Variants in ALDH5A1 observed in about 807,000 individuals in gnomAD.
ALDH5A1 encodes aldehyde dehydrogenase 5 family member A1.
A neutral mutation model predicts 54.7 loss-of-function variants in ALDH5A1; 33 were observed. The observed-to-expected ratio is 0.60, with a 90% CI of 0.46 to 0.81. The LOEUF (loss-of-function observed/expected upper bound fraction) is 0.81. Ranked by LOEUF, ALDH5A1 falls within the 30% of genes least tolerant of loss-of-function variation. The pLI, the probability that ALDH5A1 is intolerant of heterozygous loss-of-function variation, is 0.00. For missense variants in ALDH5A1, 657 were observed against 711.0 expected, an observed-to-expected ratio of 0.92 and a Z score of 0.86; for synonymous variants, 294 against 292.7, an observed-to-expected ratio of 1.00 and a Z score of -0.05.
chr6:24,529,474 C>T (rs774822953), intron 8 of ALDH5A1, among the ~76,000 whole-genome samples: 5 of 151,736 alleles, frequency 3.3e-5, no homozygotes, highest in Non-Finnish European at 7.4e-5. Context: ...GCCTCTTTAT[C>T]TACTTTTATC....
chr6:24,507,331 T>A (rs1291348060), intron 4 of ALDH5A1, among the ~76,000 whole-genome samples: 2 of 143,334 alleles, frequency 1.4e-5, no homozygotes, highest in African/African-American at 5.2e-5. Flanking sequence ...TTTTTTTTTT[T>A]ACTTGATTAT....
intron 1 of ALDH5A1, among the ~76,000 whole-genome samples, chr6:24,500,814 C>T (rs1036010078): frequency 6.6e-6 from 1 of 152,006 alleles, no homozygotes; most frequent in African/African-American, 2.4e-5. Context: ...TTAGATGCAA[C>T]TTGAAATTGG....
intron 5 of ALDH5A1, among the ~76,000 whole-genome samples, chr6:24,517,240 A>C (rs1224823207): frequency 1.3e-5 from 2 of 152,178 alleles, no homozygotes; most frequent in African/African-American, 4.8e-5. Flanking sequence ...TCCTGGCCTC[A>C]AGTGATCCTC....
intron 6 of ALDH5A1, among the ~76,000 whole-genome samples, chr6:24,522,201 T>C (rs971916631): frequency 2.0e-5 from 3 of 152,094 alleles, no homozygotes; most frequent in African/African-American, 7.2e-5. Flanking sequence ...TCCCACCTAC[T>C]TGGGAGGCTG....
At chr6:24,499,040 G>A (rs866338168) in intron 1 of ALDH5A1, among the ~76,000 whole-genome samples, 12 of 150,286 alleles carry the variant, frequency 8.0e-5, no homozygotes, top group African/African-American at 2.9e-4. Context: ...GGCGGAGGTT[G>A]CAGTGAGCCG....
chr6:24,501,034 C>T (rs897969894), intron 1 of ALDH5A1, among the ~76,000 whole-genome samples: 2 of 152,170 alleles, frequency 1.3e-5, no homozygotes, highest in Admixed American at 6.5e-5. Flanking sequence ...ACCTTAAGCA[C>T]TAAGGCAGAG....
rs370970646 is a variant in ALDH5A1, at chr6:24,497,447, A to G, written c.354+2097A>G. On this transcript the variant is annotated intron_variant, in intron 1 of 9. Coordinates refer to ENST00000357578, the MANE Select transcript of ALDH5A1 (RefSeq NM_001080.3). ...AGAGCACTGATTGGTGCATTTTACA[A>G]TCTCCTTGGTAGCTCCAGATCGCTG... Among the ~76,000 whole-genome samples the G allele has an allele frequency of 4.1e-5, 6 of 147,730 alleles. No homozygotes were observed. The South Asian group carries it at 1.3e-3, about 33-fold the overall frequency.
intron 6 of ALDH5A1, among the ~76,000 whole-genome samples, chr6:24,520,829 T>C (rs965536383): frequency 2.6e-5 from 4 of 152,206 alleles, no homozygotes; most frequent in Admixed American, 2.6e-4. Flanking sequence ...CAAAATAAGG[T>C]ACAGTCCCTG....
chr6:24,499,740 CA>C (rs10718354), intron 1 of ALDH5A1, among the ~76,000 whole-genome samples: 134,604 of 150,476 alleles, frequency 0.89, 60,889 homozygotes, highest in African/African-American at 0.96. Context: ...AGTCTCGGCT[CA>C]ACTGCAACCT....
chr6:24,522,678 TCA>T, intron 6 of ALDH5A1, 87 bp from the exon 7 acceptor site: 2 of 1,507,380 alleles, frequency 1.3e-6, no homozygotes, highest in South Asian at 1.1e-5. Flanking sequence ...GGAAGTGTTT[TCA>T]CAGAGAGGCG....
rs185051362 is a variant in ALDH5A1 at position 24,534,673 on chromosome 6, G to A, written c.*961G>A. 8.5e-5 allele frequency: 13 copies of A among 152,432 alleles called. No individual in the cohort carries two copies. The highest frequency in any genetic ancestry group is 5.9e-4 in the Admixed American group (9 of 15,300). 9.4% of individuals were successfully genotyped at this position (152,432 alleles called of 1,614,324 possible). On this transcript the variant is annotated 3_prime_UTR_variant, in exon 10 of 10. Coordinates refer to ENST00000357578, the MANE Select transcript of ALDH5A1 (RefSeq NM_001080.3). ...AAGGACATACAAGAGCCATTGTTAC[G>A]AGCAGCACCGCCCAGCCCTTCCTTG...
At chr6:24,523,652 G>A (rs1335104778) in intron 7 of ALDH5A1, among the ~76,000 whole-genome samples, 3 of 152,204 alleles carry the variant, frequency 2.0e-5, no homozygotes, top group African/African-American at 7.2e-5. Flanking sequence ...GAACACCTAT[G>A]GAATGGAAGA....
At chr6:24,516,799 T>A (rs1313632543) in intron 5 of ALDH5A1, among the ~76,000 whole-genome samples, 3 of 151,954 alleles carry the variant, frequency 2.0e-5, no homozygotes, top group African/African-American at 7.3e-5. Context: ...GGCACACACA[T>A]GTAGTCCCAG....
chr6:24,516,096 A>G (rs1170643106), intron 5 of ALDH5A1, among the ~76,000 whole-genome samples: 2 of 152,132 alleles, frequency 1.3e-5, no homozygotes, highest in African/African-American at 4.8e-5. Flanking sequence ...CTTTGCTAAA[A>G]ACTTAATGTG....
At chr6:24,495,567 C>A (rs913856683) in intron 1 of ALDH5A1, among the ~76,000 whole-genome samples, 2 of 152,188 alleles carry the variant, frequency 1.3e-5, no homozygotes, top group Non-Finnish European at 2.9e-5. Context: ...GACCCCTGCC[C>A]TCAAGCCTCA....
intron 1 of ALDH5A1, 84 bp from the exon 2 acceptor site, chr6:24,502,439 T>C: frequency 9.6e-7 from 1 of 1,046,176 alleles, no homozygotes; most frequent in Admixed American, 1.8e-5. Flanking sequence ...ATACAGCTAA[T>C]ATTTTAGGAT....
In ALDH5A1 at chr6:24,495,248, C is replaced by T; in HGVS notation, c.252C>T (p.Gly84=). The T allele has an allele frequency of 6.5e-7, 1 of 1,526,720 alleles. No homozygotes were observed. The highest frequency in any genetic ancestry group is 1.2e-5 in the South Asian group (1 of 83,504). 94.6% of individuals were successfully genotyped at this position (1,526,720 alleles called of 1,614,324 possible). Residue 84 remains glycine, a synonymous_variant, in exon 1 of 10, where the codon GGC becomes GGT. Coordinates refer to ENST00000357578, the MANE Select transcript of ALDH5A1 (RefSeq NM_001080.3). The part of the protein sequence containing the change: ...ATFPVQDPAS[G]AALGMVADCG... Reference sequence around the variant, plus strand: ...TCCCCGTGCAAGACCCGGCCAGCGGCGCCGCTCTGGGCATGGTAGCCGACT... The same window carrying T: ...TCCCCGTGCAAGACCCGGCCAGCGGTGCCGCTCTGGGCATGGTAGCCGACT...
Position 24,518,245 on chromosome 6 carries a change from A to G in ALDH5A1, c.871-2156A>G, listed in dbSNP as rs1759610649. On this transcript the variant is annotated intron_variant, in intron 5 of 9. Transcript: ENST00000357578. This position sits in a 1 kb window ranked among gnomAD's most constrained non-coding sequence, Gnocchi z 4.2. ...AAAGAAAGAAAGGTAGGCTGGGCCA[A>G]TCACATGCTGTCTTTGGAAGCTGAG... 6.6e-6 allele frequency among the ~76,000 whole-genome samples: 1 copy of G among 152,254 alleles called. No individual in the cohort carries two copies. The highest frequency in any genetic ancestry group is 2.1e-4 in the South Asian group (1 of 4,832).
rs1352057669 is a variant in ALDH5A1 at position 24,522,761 on chromosome 6, G to A, written c.1015-6G>A. On this transcript the variant is annotated splice_polypyrimidine_tract_variant and splice_region_variant and intron_variant, in intron 6 of 9. Transcript: ENST00000357578. ...CTGTGTGGGTTTGTTTTTGTCTCCTGTCCAGACTTGTGTTTGCTCAAACCA... is the reference window on the plus strand; with the variant it reads ...CTGTGTGGGTTTGTTTTTGTCTCCTATCCAGACTTGTGTTTGCTCAAACCA... 3 of 1,613,582 alleles carry A rather than the reference G, an allele frequency of 1.9e-6. No individual in the cohort carries two copies. Among genetic ancestry groups the A allele is most frequent in the Non-Finnish European group, 2.5e-6 (3 of 1,179,834 alleles).
Sources: gnomAD v4.1 joint callset for allele counts (sites outside exome capture counted in the v4.1 genomes callset) on GRCh38, gnomAD v4.1.1 for gene constraint, Gnocchi (gnomAD v3.1) non-coding constraint, MANE v1.5 for transcripts, NCBI Gene and HGNC (gene_info 2026-07-23, HGNC 2026-07-21) for gene names.